FAM200B: variants seen among roughly 807,000 people sequenced by gnomAD.
The protein encoded by FAM200B is zinc finger BED-type containing 11, also known as protein FAM200B.
In FAM200B, 32 loss-of-function variants were observed where a neutral mutation model predicts 33.1. That is an observed-to-expected ratio of 0.97 (90% CI 0.73 to 1.30). FAM200B has a LOEUF of 1.30. Among genes scored for constraint, FAM200B ranks in the 50% most tolerant of loss-of-function variants. The probability of loss-of-function intolerance (pLI) is 0.00; values close to 1 mark genes in which losing one functional copy is unlikely to be tolerated. For synonymous variants in FAM200B, 240 were observed against 264.8 expected, an observed-to-expected ratio of 0.91 and a Z score of 0.91; for missense variants, 741 against 754.0, an observed-to-expected ratio of 0.98 and a Z score of 0.20.
chr4:15,652,826 T>G, the FAM200B span, among the ~76,000 whole-genome samples: 1 of 152,218 alleles, frequency 6.6e-6, no homozygotes, highest in Non-Finnish European at 1.5e-5. Flanking sequence ...AATAACTATT[T>G]TGTACCTTTT....
the FAM200B span, among the ~76,000 whole-genome samples, chr4:15,668,829 A>G: frequency 2.0e-5 from 3 of 152,214 alleles, no homozygotes; most frequent in Non-Finnish European, 4.4e-5. Context: ...CAACTCACAT[A>G]TTTTCTTCTA....
At chr4:15,645,653 T>C in the FAM200B span, among the ~76,000 whole-genome samples, 10 of 152,154 alleles carry the variant, frequency 6.6e-5, no homozygotes, top group African/African-American at 2.2e-4. Context: ...GGTCTTGAAC[T>C]CCTGACCACA....
At chr4:15,638,214 C>G in the FAM200B span, among the ~76,000 whole-genome samples, 1 of 152,124 alleles carries the variant, frequency 6.6e-6, no homozygotes, top group Non-Finnish European at 1.5e-5. Flanking sequence ...TTTGAGCAGG[C>G]CAGTGCTCTG....
At chr4:15,685,658 A>G (rs920302672) in intron 1 of FAM200B, among the ~76,000 whole-genome samples, 1 of 152,220 alleles carries the variant, frequency 6.6e-6, no homozygotes, top group African/African-American at 2.4e-5. Flanking sequence ...GATTAACAAT[A>G]CAAAAATAAG....
At chr4:15,664,206 C>T in the FAM200B span, among the ~76,000 whole-genome samples, 1 of 152,024 alleles carries the variant, frequency 6.6e-6, no homozygotes, top group Non-Finnish European at 1.5e-5. Flanking sequence ...ACACATAGTC[C>T]TCTCAAACAT....
the FAM200B span, chr4:15,640,979 G>A: frequency 1.7e-6 from 1 of 577,082 alleles, no homozygotes; most frequent in Non-Finnish European, 2.9e-6. Flanking sequence ...AAACCTCCGG[G>A]GAAAAAAAAA....
At position 15,687,081 on chromosome 4, in the gene FAM200B, T is replaced by C. The variant is rs1485064218; in HGVS notation, c.104T>C (p.Ile35Thr). The change falls in exon 2 of 2, where the codon ATT (isoleucine) becomes ACT (threonine). Residue 35 changes from isoleucine to threonine, a missense_variant. Coordinates refer to ENST00000422728, the MANE Select transcript of FAM200B (RefSeq NM_001145191.2). ...VESGIVNSDNIEKNTDSNLQT... is the reference protein window; with the variant it reads ...VESGIVNSDNTEKNTDSNLQT... ...TCTGGAATTGTGAATAGTGACAATA[T>C]TGAGAAAAATACTGACTCCAATCTG... 3 of 1,546,996 alleles carry C rather than the reference T, an allele frequency of 1.9e-6. No homozygotes were observed. The highest frequency in any genetic ancestry group is 2.5e-5 in the East Asian group (1 of 40,782).
Position 15,686,411 on chromosome 4 carries a change from A to AC in FAM200B, c.-566dup, listed in dbSNP as rs1275377157. 1.3e-5 allele frequency: 2 copies of AC among 152,184 alleles called. No homozygotes were observed. Among genetic ancestry groups the AC allele is most frequent in the Non-Finnish European group, 2.9e-5 (2 of 68,028 alleles). 9.4% of individuals were successfully genotyped at this position (152,184 alleles called of 1,614,324 possible). A position where few individuals can be genotyped will look rare whatever the true frequency, so the allele number is the denominator to read the frequency against. ...CTTCAAGATGTTCTTATACAAGTCA[A>AC]CAGTCTAGCAGATCAGCCAGTCTCT... On this transcript the variant is annotated 5_prime_UTR_variant, in exon 2 of 2. It removes the in-frame stop codon of an upstream open reading frame in the 5' UTR. Transcript: ENST00000422728.
rs1274497878 is a variant in FAM200B at position 15,688,138 on chromosome 4, T to C, written c.1161T>C (p.Arg387=). ...ACTTACTATATCATACCAAAATTCG[T>C]TGGTTGTCTCAAGGGAAAATACTAA... ...HTHLLYHTKI[R]WLSQGKILSR... is the part of the protein sequence containing the mutation. The change falls in exon 2 of 2, where the codon CGT becomes CGC. Residue 387 remains arginine, a synonymous_variant. Transcript: ENST00000422728. 1 of 1,551,080 alleles carries C rather than the reference T, an allele frequency of 6.4e-7. No homozygotes were observed. Among genetic ancestry groups the C allele is most frequent in the Middle Eastern group, 1.7e-4 (1 of 5,984 alleles).
chr4:15,655,324 C>T, the FAM200B span: 93 of 1,353,208 alleles, frequency 6.9e-5, no homozygotes, highest in South Asian at 1.4e-5. Flanking sequence ...CAGCCGCGGC[C>T]GCCGCCTCTC....
the FAM200B span, among the ~76,000 whole-genome samples, chr4:15,649,318 G>A: frequency 1.3e-5 from 2 of 152,146 alleles, no homozygotes; most frequent in Middle Eastern, 3.4e-3. Context: ...AGTGGTTCAC[G>A]CCTGTAATCC....
the FAM200B span, among the ~76,000 whole-genome samples, chr4:15,666,679 A>G: frequency 1.3e-5 from 2 of 152,098 alleles, no homozygotes; most frequent in Non-Finnish European, 2.9e-5. Context: ...AAACATCAAA[A>G]AAATTAGCCA....
the FAM200B span, among the ~76,000 whole-genome samples, chr4:15,647,895 C>G: frequency 6.6e-6 from 1 of 152,136 alleles, no homozygotes; most frequent in Non-Finnish European, 1.5e-5. Flanking sequence ...GCTCTGACAC[C>G]CAGGCTGCAG....
the FAM200B span, among the ~76,000 whole-genome samples, chr4:15,653,542 A>G: frequency 9.2e-5 from 14 of 152,282 alleles, no homozygotes; most frequent in Middle Eastern, 3.4e-3. Context: ...AAAATTTTCC[A>G]TATAATTTCA....
rs1464708334 is a variant in FAM200B at position 15,688,914 on chromosome 4, G to A, written c.1937G>A (p.Trp646Ter). 8.5e-6 allele frequency: 13 copies of A among 1,531,300 alleles called. No individual in the cohort carries two copies. The highest frequency in any genetic ancestry group is 1.4e-5 in the African/African-American group (1 of 72,462). The allele number at this position is 1,531,300 out of a possible 1,614,324, so 94.9% of individuals were successfully genotyped here. Reference protein sequence around the residue: ...RVALSSCVPDWNELMNRQAHP... With the variant: ...RVALSSCVPD ...GCATTATCTTCCTGTGTTCCAGACT[G>A]GAATGAACTTATGAACAGGCAAGCA... Residue 646 changes from tryptophan (W) to a stop codon, truncating the protein, a stop_gained, in exon 2 of 2, where the codon TGG (tryptophan) becomes TAG (stop). Transcript: ENST00000422728. LOFTEE classifies it high-confidence loss of function.
the FAM200B span, among the ~76,000 whole-genome samples, chr4:15,673,144 C>T: frequency 3.9e-5 from 6 of 152,022 alleles, no homozygotes; most frequent in African/African-American, 1.4e-4. Context: ...AAAAAGTATA[C>T]TCTAAAATAA....
chr4:15,652,630 A>T, the FAM200B span, among the ~76,000 whole-genome samples: 6 of 152,242 alleles, frequency 3.9e-5, no homozygotes, highest in African/African-American at 1.4e-4. Flanking sequence ...TACCTAAAAA[A>T]TAAGTAGACT....
chr4:15,651,035 T>C, the FAM200B span, among the ~76,000 whole-genome samples: 396 of 152,308 alleles, frequency 2.6e-3, no homozygotes, highest in Non-Finnish European at 4.2e-3. Context: ...GACGATACAG[T>C]ACATTCAAAA....
chr4:15,655,355 G>A, the FAM200B span: 85 of 1,195,970 alleles, frequency 7.1e-5, no homozygotes, highest in Admixed American at 7.4e-4. Flanking sequence ...CTCGCCGCGG[G>A]GCAGAGGCGG....
Sources: gnomAD v4.1 joint callset for allele counts (sites outside exome capture counted in the v4.1 genomes callset) on GRCh38, gnomAD v4.1.1 for gene constraint, MANE v1.5 for transcripts, NCBI Gene and HGNC (gene_info 2026-07-23, HGNC 2026-07-21) for gene names.